The following RBFOX3 variants were observed in gnomAD, a reference collection of about 807,000 sequenced individuals.
The protein encoded by RBFOX3 is RNA binding protein fox-1 homolog 3.
Under a neutral mutation model 48.7 loss-of-function variants are expected in RBFOX3, and 17 were observed. The observed-to-expected ratio is 0.35, with a 90% CI of 0.24 to 0.52. The LOEUF is 0.52. RBFOX3 is among the 20% of genes least tolerant of loss of function. The probability of loss-of-function intolerance (pLI) is 0.94; values close to 1 mark genes in which losing one functional copy is unlikely to be tolerated. For synonymous variants in RBFOX3, 212 were observed against 209.5 expected (o/e 1.01, Z -0.10); for missense variants, 382 against 497.5 (o/e 0.77, Z 2.21).
At chr17:79,420,977 G>A (rs766249695) in intron 2 of RBFOX3, among the ~76,000 whole-genome samples, 2 of 152,126 alleles carry the variant, frequency 1.3e-5, no homozygotes, top group Non-Finnish European at 2.9e-5. Context: ...GTGAAGACTC[G>A]GGCATGGAGG....
At position 79,212,072 on chromosome 17, in the gene RBFOX3, T is replaced by C. The variant is rs1005956602; in HGVS notation, c.-34+23694A>G. On this transcript the variant is annotated intron_variant, in intron 4 of 14. Transcript: ENST00000693108. The surrounding 1 kb of genome is among the most constrained non-coding windows in gnomAD (Gnocchi z 4.7). ...CCAGCCAGCACCCTCCCTCCTGGAG[T>C]CCCGCTGCATTGGGGAAATTGACCA... 6.6e-6 allele frequency among the ~76,000 whole-genome samples: 1 copy of C among 151,872 alleles called. No individual in the cohort carries two copies. Among genetic ancestry groups the C allele is most frequent in the Non-Finnish European group, 1.5e-5 (1 of 67,958 alleles).
intron 2 of RBFOX3, among the ~76,000 whole-genome samples, chr17:79,386,932 G>A (rs910481978): frequency 4.6e-5 from 7 of 152,220 alleles, no homozygotes; most frequent in African/African-American, 1.7e-4. Flanking sequence ...ACTTATGAAG[G>A]AGAAAAATGG....
chr17:79,620,005 G>A, the RBFOX3 span, among the ~76,000 whole-genome samples: 25 of 151,072 alleles, frequency 1.7e-4, no homozygotes, highest in African/African-American at 5.8e-4. Flanking sequence ...GCACACACAT[G>A]CACATGCACA....
At chr17:79,588,493 G>C (rs2093320918) in intron 1 of RBFOX3, among the ~76,000 whole-genome samples, 1 of 152,132 alleles carries the variant, frequency 6.6e-6, no homozygotes, top group Admixed American at 6.6e-5. Flanking sequence ...CCAAGGTACT[G>C]ACCACCCTCA....
chr17:79,264,804 G>A (rs376082883), intron 3 of RBFOX3, among the ~76,000 whole-genome samples: 44 of 152,146 alleles, frequency 2.9e-4, no homozygotes, highest in African/African-American at 1.0e-3. Context: ...CCCACGAACC[G>A]GGCCTCGACT....
chr17:79,146,140 G>A (rs117529809), intron 4 of RBFOX3, among the ~76,000 whole-genome samples: 7,091 of 152,238 alleles, frequency 0.047, 204 homozygotes, highest in South Asian at 0.12. Flanking sequence ...TACAGACGAA[G>A]CTTCACTCCT....
intron 1 of RBFOX3, among the ~76,000 whole-genome samples, chr17:79,603,067 T>C (rs1341073277): frequency 6.7e-6 from 1 of 149,896 alleles, no homozygotes; most frequent in Non-Finnish European, 1.5e-5. Flanking sequence ...CTTGGCTCAC[T>C]GCAACCTCCA....
At chr17:79,102,141 C>A (rs1020010484) in intron 8 of RBFOX3, among the ~76,000 whole-genome samples, 2 of 152,206 alleles carry the variant, frequency 1.3e-5, no homozygotes, top group African/African-American at 4.8e-5. Context: ...TGATGGGGCC[C>A]GTGTGCCCCT....
At chr17:79,568,090 A>G (rs1238363681) in intron 1 of RBFOX3, among the ~76,000 whole-genome samples, 7 of 152,150 alleles carry the variant, frequency 4.6e-5, no homozygotes, top group African/African-American at 1.4e-4. Context: ...TTCCAGAGCA[A>G]TAGCCTGCTG....
At chr17:79,432,926 T>G (rs2068724923) in intron 2 of RBFOX3, among the ~76,000 whole-genome samples, 1 of 152,218 alleles carries the variant, frequency 6.6e-6, no homozygotes, top group African/African-American at 2.4e-5. Context: ...AAAGACGTCC[T>G]TAAGTAAAAC....
intron 4 of RBFOX3, among the ~76,000 whole-genome samples, chr17:79,176,830 T>C (rs1417070378): frequency 6.6e-6 from 1 of 151,622 alleles, no homozygotes; most frequent in Non-Finnish European, 1.5e-5. Flanking sequence ...GGGAGAAGAT[T>C]AAAAGCATGG....
At chr17:79,468,940 A>ATGGC (rs1392195290) in intron 2 of RBFOX3, among the ~76,000 whole-genome samples, 3 of 50,122 alleles carry the variant, frequency 6.0e-5, no homozygotes, top group African/African-American at 1.5e-4. Flanking sequence ...AGACGGGAGG[A>ATGGC]TGGATGGATG....
chr17:79,588,326 C>T (rs2093315949), intron 1 of RBFOX3, among the ~76,000 whole-genome samples: 1 of 152,094 alleles, frequency 6.6e-6, no homozygotes, highest in South Asian at 2.1e-4. Flanking sequence ...TCTTATTCTC[C>T]CCCGGGGACT....
At chr17:79,563,917 A>C (rs2092353303) in intron 1 of RBFOX3, among the ~76,000 whole-genome samples, 1 of 152,268 alleles carries the variant, frequency 6.6e-6, no homozygotes, top group Non-Finnish European at 1.5e-5. Flanking sequence ...TATAGACAAA[A>C]GCAACAAGAA....
At chr17:79,393,154 A>C (rs556411480) in intron 2 of RBFOX3, among the ~76,000 whole-genome samples, 1 of 152,364 alleles carries the variant, frequency 6.6e-6, no homozygotes, top group South Asian at 2.1e-4. Flanking sequence ...AACATAGCAG[A>C]GTGCAAAGGC....
intron 4 of RBFOX3, among the ~76,000 whole-genome samples, chr17:79,175,604 C>T (rs2050359912): frequency 1.3e-5 from 2 of 152,360 alleles, no homozygotes; most frequent in African/African-American, 4.8e-5. Flanking sequence ...CCTAGACCAC[C>T]CCTCTCCTGC....
At chr17:79,469,002 G>C (rs2076719718) in intron 2 of RBFOX3, among the ~76,000 whole-genome samples, 1 of 151,366 alleles carries the variant, frequency 6.6e-6, no homozygotes, top group Admixed American at 6.6e-5. Flanking sequence ...CAGATAGGCA[G>C]GCAGGCAGAC....
At position 79,482,209 on chromosome 17, in the gene RBFOX3, G is replaced by T. The variant is rs2078878745; in HGVS notation, c.-175+245C>A. Among the ~76,000 whole-genome samples, 1 of 151,980 alleles carries T rather than the reference G, an allele frequency of 6.6e-6. No homozygotes were observed. The highest frequency in any genetic ancestry group is 2.1e-4 in the South Asian group (1 of 4,818). On this transcript the variant is annotated intron_variant, in intron 2 of 14. Coordinates refer to ENST00000693108, the MANE Select transcript of RBFOX3 (RefSeq NM_001350451.2). This position sits in a 1 kb window ranked among gnomAD's most constrained non-coding sequence, Gnocchi z 4.1. ...GGACTAACTGCCCCGCAGCCAGGCT[G>T]ATGGGCTTCGAGGTACAAAGAGCGG... is the stretch of plus-strand genomic sequence containing the variant.
At chr17:79,135,012 G>T (rs1870625) in intron 4 of RBFOX3, 95,354 of 152,194 alleles carry the variant, frequency 0.63, 30,880 homozygotes, top group African/African-American at 0.74. Flanking sequence ...ACAGTGAGTG[G>T]GACCCCATCT....
Sources: gnomAD v4.1 joint callset for allele counts (sites outside exome capture counted in the v4.1 genomes callset) on GRCh38, gnomAD v4.1.1 for gene constraint, Gnocchi (gnomAD v3.1) non-coding constraint, MANE v1.5 for transcripts, NCBI Gene and HGNC (gene_info 2026-07-23, HGNC 2026-07-21) for gene names.